The following TBC1D5 variants were observed in gnomAD, a reference collection of about 807,000 sequenced individuals.
TBC1D5 encodes the protein TBC1 domain family, member 5.
Under a neutral mutation model 100.3 loss-of-function variants are expected in TBC1D5, and 75 were observed. The ratio of observed to expected loss-of-function variants is 0.75; its 90% CI spans 0.62 to 0.91. TBC1D5 has a LOEUF of 0.91. Among genes scored for constraint, TBC1D5 ranks in the 40% least tolerant of loss-of-function variants. TBC1D5 has a pLI of 0.00. For missense variants in TBC1D5, 910 were observed against 942.4 expected (o/e 0.97, Z 0.45); for synonymous variants, 323 against 325.6 (o/e 0.99, Z 0.09).
At chr3:17,299,816 G>A (rs192390901) in intron 14 of TBC1D5, among the ~76,000 whole-genome samples, 301 of 137,922 alleles carry the variant, frequency 2.2e-3, no homozygotes, top group Admixed American at 3.3e-3. Flanking sequence ...CCGAGATTGT[G>A]CCACTGCACT....
At chr3:17,683,263 G>A (rs1366410936) in intron 1 of TBC1D5, among the ~76,000 whole-genome samples, 1 of 151,272 alleles carries the variant, frequency 6.6e-6, no homozygotes, top group African/African-American at 2.5e-5. Context: ...ATATGTACAT[G>A]TGTGACCCTG....
intron 3 of TBC1D5, among the ~76,000 whole-genome samples, chr3:17,441,032 C>T (rs922906825): frequency 6.6e-6 from 1 of 152,022 alleles, no homozygotes; most frequent in African/African-American, 2.4e-5. Context: ...TGAAGGGAGA[C>T]TGGATAAGAA....
intron 15 of TBC1D5, among the ~76,000 whole-genome samples, chr3:17,280,995 T>C (rs1010500163): frequency 1.3e-5 from 2 of 152,200 alleles, no homozygotes; most frequent in Non-Finnish European, 2.9e-5. Context: ...CTCCTGCAAG[T>C]GCTCCCTCCC....
chr3:17,515,731 G>C (rs2095977377), intron 2 of TBC1D5, among the ~76,000 whole-genome samples: 1 of 152,074 alleles, frequency 6.6e-6, no homozygotes, highest in African/African-American at 2.4e-5. Context: ...CTGAGATATT[G>C]AGATAAACAG....
At chr3:17,649,085 C>T in intron 1 of TBC1D5, among the ~76,000 whole-genome samples, 1 of 152,094 alleles carries the variant, frequency 6.6e-6, no homozygotes, top group South Asian at 2.1e-4. Flanking sequence ...CCTAAATGCC[C>T]ATCAGTGACA....
chr3:17,311,240 T>C (rs979470761), intron 13 of TBC1D5, among the ~76,000 whole-genome samples: 1 of 152,076 alleles, frequency 6.6e-6, no homozygotes, highest in Non-Finnish European at 1.5e-5. Context: ...TTCAGTTTAA[T>C]TGCTTTATAC....
At chr3:17,645,558 T>G (rs1293755285) in intron 1 of TBC1D5, among the ~76,000 whole-genome samples, 2 of 152,122 alleles carry the variant, frequency 1.3e-5, no homozygotes, top group East Asian at 3.9e-4. Context: ...AAACTGTTTT[T>G]CTACAATGGA....
At chr3:17,470,507 A>T (rs1308388684) in intron 3 of TBC1D5, among the ~76,000 whole-genome samples, 1 of 152,260 alleles carries the variant, frequency 6.6e-6, no homozygotes, top group Non-Finnish European at 1.5e-5. Flanking sequence ...ATTTCTATAA[A>T]TCAATCTATA....
At chr3:17,172,616 T>C (rs1317171116) in intron 19 of TBC1D5, among the ~76,000 whole-genome samples, 1 of 152,200 alleles carries the variant, frequency 6.6e-6, no homozygotes, top group Non-Finnish European at 1.5e-5. Context: ...AACTGTCACA[T>C]AACTAACCAC....
At chr3:17,304,896 A>G (rs931240752) in intron 14 of TBC1D5, among the ~76,000 whole-genome samples, 1 of 152,128 alleles carries the variant, frequency 6.6e-6, no homozygotes, top group Admixed American at 6.5e-5. Context: ...CCTTAACTCA[A>G]AGATCACTCT....
At chr3:17,650,528 T>C (rs900347241) in intron 1 of TBC1D5, among the ~76,000 whole-genome samples, 9 of 152,098 alleles carry the variant, frequency 5.9e-5, no homozygotes, top group Non-Finnish European at 1.2e-4. Context: ...TTATTTCTCT[T>C]CTACTCATAA....
intron 2 of TBC1D5, among the ~76,000 whole-genome samples, chr3:17,582,062 C>T (rs2096701738): frequency 6.6e-6 from 1 of 152,190 alleles, no homozygotes; most frequent in Admixed American, 6.5e-5. Flanking sequence ...TCCAAACTCT[C>T]TATCTCCCAC....
At chr3:17,469,678 T>C (rs2095350498) in intron 3 of TBC1D5, among the ~76,000 whole-genome samples, 1 of 152,248 alleles carries the variant, frequency 6.6e-6, no homozygotes, top group African/African-American at 2.4e-5. Flanking sequence ...GGGAGCTTAT[T>C]TACATGCATA....
At chr3:17,304,167 C>T (rs902343201) in intron 14 of TBC1D5, among the ~76,000 whole-genome samples, 2 of 152,084 alleles carry the variant, frequency 1.3e-5, no homozygotes, top group African/African-American at 4.8e-5. Context: ...CACAGGACTC[C>T]AGACCCAGTT....
At chr3:17,344,764 A>AT (rs1362736214) in intron 13 of TBC1D5, among the ~76,000 whole-genome samples, 1 of 152,168 alleles carries the variant, frequency 6.6e-6, no homozygotes, top group East Asian at 1.9e-4. Flanking sequence ...ATAACGCCAC[A>AT]TATCTACAAC....
chr3:17,525,033 G>T (rs1159856713), intron 2 of TBC1D5, among the ~76,000 whole-genome samples: 1 of 151,638 alleles, frequency 6.6e-6, no homozygotes, highest in African/African-American at 2.4e-5. Context: ...ATGTAATTTT[G>T]CTGTGTGTTA....
rs35001269 is a variant in TBC1D5, at chr3:17,630,879, C to CAAA, written c.-100-6969_-100-6967dup. Among the ~76,000 whole-genome samples the CAAA allele has an allele frequency of 1.3e-4, 16 of 126,852 alleles. 1 individual carries two copies. The East Asian group carries it at 1.6e-3, about 12-fold the overall frequency. The allele number at this position is 126,852 out of a possible 152,430, so 83.2% of individuals were successfully genotyped here. On this transcript the variant is annotated intron_variant, in intron 1 of 21. Coordinates refer to ENST00000253692, the Ensembl canonical transcript of TBC1D5. ...TGAAACCCCGTCTCTACTAAAAATA[C>CAAA]AAAAAAAAAAAAAAAATAGCCGGGT...
intron 15 of TBC1D5, among the ~76,000 whole-genome samples, chr3:17,285,292 G>A (rs554615979): frequency 5.8e-5 from 7 of 121,660 alleles, no homozygotes; most frequent in Non-Finnish European, 1.1e-4. Context: ...ACGGAGTCTC[G>A]CTCTGTCGCC....
intron 3 of TBC1D5, among the ~76,000 whole-genome samples, chr3:17,462,629 T>C (rs953253790): frequency 2.6e-5 from 4 of 152,120 alleles, no homozygotes; most frequent in Admixed American, 2.6e-4. Flanking sequence ...CCCTCAAATT[T>C]CTAATATTAG....
Sources: gnomAD v4.1 joint callset for allele counts (sites outside exome capture counted in the v4.1 genomes callset) on GRCh38, gnomAD v4.1.1 for gene constraint, MANE v1.5 for transcripts, NCBI Gene and HGNC (gene_info 2026-07-23, HGNC 2026-07-21) for gene names.